ANK3: variants seen among roughly 807,000 people sequenced by gnomAD.
ANK3 encodes ankyrin 3.
Under a neutral mutation model 370.9 loss-of-function variants are expected in ANK3, and 57 were observed. The ratio of observed to expected loss-of-function variants is 0.15; its 90% CI spans 0.12 to 0.19. The LOEUF is 0.19. ANK3 is among the 10% of genes least tolerant of loss of function. The probability of loss-of-function intolerance (pLI) is 1.00; values close to 1 mark genes in which losing one functional copy is unlikely to be tolerated. For missense variants in ANK3, 4,439 were observed against 5,302.1 expected, an observed-to-expected ratio of 0.84 and a Z score of 5.06; for synonymous variants, 1,929 against 1,946.3, an observed-to-expected ratio of 0.99 and a Z score of 0.23.
rs58239281 is a variant in ANK3, at chr10:60,079,174, T to TACACACACACACACACACAC, written c.4432+1343_4432+1362dup. On this transcript the variant is annotated intron_variant, in intron 36 of 43. Transcript: ENST00000280772. ...ACTGGAAACCACCTAGCTACCTAGC[T>TACACACACACACACACACAC]ACACACACACACACACACACACACA... Among the ~76,000 whole-genome samples the TACACACACACACACACACAC allele has an allele frequency of 3.2e-3, 367 of 113,814 alleles. 6 individuals carry two copies. The highest frequency in any genetic ancestry group is 5.8e-3 in the African/African-American group (168 of 28,892). The allele number at this position is 113,814 out of a possible 152,430, so 74.7% of individuals were successfully genotyped here.
In ANK3 at chr10:60,487,159, T is replaced by C. The variant is rs570440322; in HGVS notation, c.96+128027A>G. Among the ~76,000 whole-genome samples, 5 of 152,336 alleles carry C rather than the reference T, an allele frequency of 3.3e-5. No homozygotes were observed. The East Asian group carries it at 9.6e-4, about 29-fold the overall frequency. On this transcript the variant is annotated intron_variant, in intron 2 of 43. Transcript: ENST00000373827. ...ACCAAATAGTAAGAACTCTATACTA[T>C]CAATATTTTTTTGGAAAATATCTGT...
At chr10:60,033,758 C>T (rs2131838946) in intron 43 of ANK3, among the ~76,000 whole-genome samples, 1 of 152,188 alleles carries the variant, frequency 6.6e-6, no homozygotes, top group South Asian at 2.1e-4. Context: ...TCTGGTCCAG[C>T]CCAATGAACC....
At chr10:60,040,196 CAAAATTCAACTGCTTCT>C (rs1284652628) in intron 43 of ANK3, among the ~76,000 whole-genome samples, 1 of 151,810 alleles carries the variant, frequency 6.6e-6, no homozygotes, top group East Asian at 1.9e-4. Context: ...TCAGATAGCT[CAAAATTCAACTGCTTCT>C]AAAATGGGAA....
rs541376135 is a variant in ANK3 at position 60,572,686 on chromosome 10, A to G, written c.96+42500T>C. On this transcript the variant is annotated intron_variant, in intron 2 of 43. Transcript: ENST00000373827. Reference sequence around the variant, plus strand: ...CTTAAACCCAGCCCCTGCTGCTGTCAGAGAGACGCGGGCTGCTAATGTAGC... The same window carrying G: ...CTTAAACCCAGCCCCTGCTGCTGTCGGAGAGACGCGGGCTGCTAATGTAGC... 1.9e-5 allele frequency: 27 copies of G among 1,428,104 alleles called. No individual in the cohort carries two copies. In the African/African-American group the frequency reaches 2.7e-4, roughly 14 times the overall value. The allele number at this position is 1,428,104 out of a possible 1,614,324, so 88.5% of individuals were successfully genotyped here.
intron 1 of ANK3, among the ~76,000 whole-genome samples, chr10:60,635,328 C>T (rs899907075): frequency 8.5e-5 from 13 of 152,088 alleles, no homozygotes; most frequent in African/African-American, 2.9e-4. Context: ...TTTGAATAAA[C>T]TCATGTAATT....
chr10:60,418,340 T>C (rs1461791855), intron 2 of ANK3, among the ~76,000 whole-genome samples: 1 of 152,150 alleles, frequency 6.6e-6, no homozygotes, highest in African/African-American at 2.4e-5. Flanking sequence ...TCTCGTTAGG[T>C]GGTTAACATT....
intron 1 of ANK3, among the ~76,000 whole-genome samples, chr10:60,732,379 G>A (rs909596079): frequency 4.6e-5 from 7 of 152,208 alleles, no homozygotes; most frequent in African/African-American, 1.7e-4. Flanking sequence ...CACCGTGGCA[G>A]CACCAAAATT....
chr10:60,712,148 C>G (rs1015043434), intron 1 of ANK3, among the ~76,000 whole-genome samples: 2 of 152,116 alleles, frequency 1.3e-5, no homozygotes, highest in African/African-American at 4.8e-5. Flanking sequence ...GAATTCAAGG[C>G]CAGCCTAGGC....
At position 60,105,910 on chromosome 10, in the gene ANK3, T is replaced by C; in HGVS notation, c.3323A>G (p.Asp1108Gly). The part of the protein sequence containing the change: ...EDLTELLNGM[D>G]EELDSPEELG... ...CAAGGAGCCATCATTATTACCTTCA[T>C]CCATGCCATTAAGTAACTCGGTTAA... Residue 1108 changes from aspartate (D) to glycine (G), a missense_variant, in exon 28 of 44, where the codon GAT becomes GGT. Asp to Gly is a moderately conservative substitution (Grantham distance 94). Around this residue, in one of 13 missense-constraint regions of ANK3, gnomAD observed 702 missense variants for 941.5 expected, o/e 0.75. Coordinates refer to ENST00000280772, the MANE Select transcript of ANK3 (RefSeq NM_020987.5). 6.2e-7 allele frequency: 1 copy of C among 1,609,262 alleles called. No individual in the cohort carries two copies. The highest frequency in any genetic ancestry group is 8.5e-7 in the Non-Finnish European group (1 of 1,178,212).
chr10:60,563,513 C>A (rs1328030548), intron 2 of ANK3, among the ~76,000 whole-genome samples: 1 of 152,264 alleles, frequency 6.6e-6, no homozygotes, highest in East Asian at 1.9e-4. Context: ...TGTCTTGGGG[C>A]AGCATCCCAT....
chr10:60,066,151 TAA>T (rs2081595194), intron 38 of ANK3, among the ~76,000 whole-genome samples: 1 of 152,196 alleles, frequency 6.6e-6, no homozygotes, highest in African/African-American at 2.4e-5. Flanking sequence ...CTCTGTGTCT[TAA>T]GAGACAATAC....
intron 1 of ANK3, among the ~76,000 whole-genome samples, chr10:60,686,683 A>T (rs1297145092): frequency 2.6e-5 from 4 of 152,184 alleles, no homozygotes; most frequent in African/African-American, 7.2e-5. Flanking sequence ...CCTCATGTAC[A>T]CAATATGAAA....
rs1302314329 is a variant in ANK3 at position 60,583,516 on chromosome 10, T to G, written c.96+31670A>C. Among the ~76,000 whole-genome samples the G allele has an allele frequency of 9.7e-5, 12 of 123,674 alleles. No homozygotes were observed. The South Asian group carries it at 2.2e-3, about 22-fold the overall frequency. The allele number at this position is 123,674 out of a possible 152,430, so 81.1% of individuals were successfully genotyped here. A position where few individuals can be genotyped will look rare whatever the true frequency, so the allele number is the denominator to read the frequency against. ...AGCTTACAGAGAGGTTTTTTGTTTT[T>G]TGTTTTTTGTTTTTTTTTGAGGTGG... On this transcript the variant is annotated intron_variant, in intron 2 of 43. Coordinates refer to the ANK3 transcript ENST00000373827.
intron 2 of ANK3, among the ~76,000 whole-genome samples, chr10:60,566,100 G>A (rs1049232560): frequency 6.6e-6 from 1 of 152,148 alleles, no homozygotes; most frequent in Middle Eastern, 3.4e-3. Context: ...TGGTGATCTA[G>A]GATCAGTGAT....
chr10:60,366,021 C>A (rs972800405), intron 1 of ANK3, among the ~76,000 whole-genome samples: 3 of 152,122 alleles, frequency 2.0e-5, no homozygotes, highest in African/African-American at 7.2e-5. Flanking sequence ...CTGTTAAGGG[C>A]AAAATACCTG....
intron 2 of ANK3, among the ~76,000 whole-genome samples, chr10:60,599,525 T>C (rs1453009804): frequency 6.6e-6 from 1 of 152,194 alleles, no homozygotes; most frequent in East Asian, 1.9e-4. Context: ...CTTTCTGCAA[T>C]AATTTATTCC....
At chr10:60,619,441 A>G (rs1281945340) in intron 1 of ANK3, among the ~76,000 whole-genome samples, 12 of 152,240 alleles carry the variant, frequency 7.9e-5, no homozygotes, top group Admixed American at 6.5e-4. Flanking sequence ...TAAACTAATT[A>G]TAATTAAATT....
intron 2 of ANK3, among the ~76,000 whole-genome samples, chr10:60,559,177 T>C (rs377761251): frequency 5.2e-4 from 79 of 152,252 alleles, no homozygotes; most frequent in African/African-American, 1.9e-3. Context: ...GTTACATTAA[T>C]AAGTAGTAAT....
intron 9 of ANK3, among the ~76,000 whole-genome samples, chr10:60,209,192 C>A (rs1318074394): frequency 6.6e-6 from 1 of 152,096 alleles, no homozygotes; most frequent in Non-Finnish European, 1.5e-5. Context: ...GAGGCTCTAT[C>A]AATTATTGTA....
Sources: gnomAD v4.1 joint callset for allele counts (sites outside exome capture counted in the v4.1 genomes callset) on GRCh38, gnomAD v4.1.1 for gene constraint, gnomAD v4.1.1 regional missense constraint, MANE v1.5 for transcripts, NCBI Gene and HGNC (gene_info 2026-07-23, HGNC 2026-07-21) for gene names.